Variants in IWS1 observed in about 807,000 individuals in gnomAD.
IWS1 encodes protein IWS1 homolog.
Under a neutral mutation model 86.7 loss-of-function variants are expected in IWS1, and 27 were observed. The ratio of observed to expected loss-of-function variants is 0.31; its 90% CI spans 0.23 to 0.43. The LOEUF is 0.43. Ranked by LOEUF, IWS1 falls within the 20% of genes least tolerant of loss-of-function variation. The pLI is 1.00. For synonymous variants in IWS1, 313 were observed against 335.1 expected (o/e 0.93, Z 0.72); for missense variants, 827 against 1,000.8 (o/e 0.83, Z 2.34).
In IWS1 at chr2:127,495,735, G is replaced by C. The variant is rs1016898655; in HGVS notation, c.1716+263C>G. Among the ~76,000 whole-genome samples, 36 of 152,180 alleles carry C rather than the reference G, an allele frequency of 2.4e-4. 1 individual carries two copies. The highest frequency in any genetic ancestry group is 2.4e-3 in the Admixed American group (36 of 15,284). ...ACTTTGTGGTGAACTAGCCAAATCTGAGAACAAAACCATTTCCCATGAAAC... is the reference window on the plus strand; with the variant it reads ...ACTTTGTGGTGAACTAGCCAAATCTCAGAACAAAACCATTTCCCATGAAAC... On this transcript the variant is annotated intron_variant, in intron 7 of 13. Coordinates refer to ENST00000295321, the MANE Select transcript of IWS1 (RefSeq NM_017969.3).
At chr2:127,493,513 G>A (rs1690343384) in intron 8 of IWS1, 103 bp from the exon 9 acceptor site, 2 of 1,019,776 alleles carry the variant, frequency 2.0e-6, no homozygotes, top group South Asian at 2.0e-5. Flanking sequence ...TGCTTTTAAA[G>A]CGTTACTCAT....
intron 13 of IWS1, among the ~76,000 whole-genome samples, chr2:127,485,311 GT>G (rs1203041146): frequency 1.2e-4 from 19 of 152,186 alleles, no homozygotes; most frequent in African/African-American, 4.3e-4. Flanking sequence ...CACACACACT[GT>G]GTGTGCTCCG....
intron 2 of IWS1, among the ~76,000 whole-genome samples, chr2:127,517,168 T>C (rs965390616): frequency 5.9e-5 from 9 of 152,158 alleles, no homozygotes; most frequent in African/African-American, 1.9e-4. Context: ...AAGATGGCAA[T>C]ATTCCCCAAA....
chr2:127,495,137 AC>A (rs1690448461), intron 7 of IWS1, among the ~76,000 whole-genome samples, 183 bp from the exon 8 acceptor site: 1 of 152,196 alleles, frequency 6.6e-6, no homozygotes, highest in Non-Finnish European at 1.5e-5. Flanking sequence ...TGTCAGTCAA[AC>A]CCAAAAAACT....
chr2:127,496,319 G>A (rs991773081), intron 6 of IWS1, among the ~76,000 whole-genome samples, 171 bp from the exon 7 acceptor site: 1 of 152,038 alleles, frequency 6.6e-6, no homozygotes, highest in African/African-American at 2.4e-5. Context: ...GGTCAATGAC[G>A]GACTGCAAAT....
At position 127,526,469 on chromosome 2, in the gene IWS1, G is replaced by C; in HGVS notation, c.-261C>G. 6.5e-7 allele frequency: 1 copy of C among 1,527,862 alleles called. No homozygotes were observed. Among genetic ancestry groups the C allele is most frequent in the Non-Finnish European group, 8.8e-7 (1 of 1,135,346 alleles). The allele number at this position is 1,527,862 out of a possible 1,614,324, so 94.6% of individuals were successfully genotyped here. On this transcript the variant is annotated 5_prime_UTR_variant, in exon 1 of 14. Coordinates refer to ENST00000295321, the MANE Select transcript of IWS1 (RefSeq NM_017969.3). Reference sequence around the variant, plus strand: ...CGGCGTTCTACTTCCTAGAAGCACCGCTGGGGCCAAAATGGCGTCTGCCCA... The same window carrying C: ...CGGCGTTCTACTTCCTAGAAGCACCCCTGGGGCCAAAATGGCGTCTGCCCA...
intron 2 of IWS1, among the ~76,000 whole-genome samples, chr2:127,516,115 A>C (rs932360630): frequency 1.3e-5 from 2 of 151,278 alleles, no homozygotes; most frequent in African/African-American, 2.4e-5. Context: ...ACTCATTCCC[A>C]CTCCTCCACT....
Position 127,526,381 on chromosome 2 carries a change from A to T in IWS1, c.-173T>A. On this transcript the variant is annotated 5_prime_UTR_variant, in exon 1 of 14. Coordinates refer to ENST00000295321, the MANE Select transcript of IWS1 (RefSeq NM_017969.3). ...GGTAGCGGCAAAGGCGAATTCTTTG[A>T]CCTGGAAGCCCCGGCGGAAAAGGCC... 6.5e-7 allele frequency: 1 copy of T among 1,536,210 alleles called. No homozygotes were observed.
At chr2:127,523,518 CTATT>C (rs969227068) in intron 2 of IWS1, among the ~76,000 whole-genome samples, 154 bp downstream of exon 2, 5 of 152,206 alleles carry the variant, frequency 3.3e-5, no homozygotes, top group African/African-American at 1.2e-4. Flanking sequence ...CAGACCATCC[CTATT>C]TATTTTTCAA....
At chr2:127,517,765 G>A (rs1424794534) in intron 2 of IWS1, among the ~76,000 whole-genome samples, 6 of 152,034 alleles carry the variant, frequency 3.9e-5, no homozygotes, top group Admixed American at 3.9e-4. Flanking sequence ...CAAAAAATTT[G>A]TACACAAATG....
intron 12 of IWS1, among the ~76,000 whole-genome samples, chr2:127,487,479 C>T (rs1689987426): frequency 6.6e-6 from 1 of 152,192 alleles, no homozygotes; most frequent in Non-Finnish European, 1.5e-5. Flanking sequence ...AAGAGTGGAT[C>T]TATGTGTGTC....
Position 127,489,787 on chromosome 2 carries a change from C to T in IWS1, c.2159+45G>A, listed in dbSNP as rs1359492628. 1.9e-6 allele frequency: 2 copies of T among 1,062,260 alleles called. No homozygotes were observed. Among genetic ancestry groups the T allele is most frequent in the Non-Finnish European group, 2.9e-6 (2 of 680,980 alleles). The allele number at this position is 1,062,260 out of a possible 1,614,324, so 65.8% of individuals were successfully genotyped here. A position where few individuals can be genotyped will look rare whatever the true frequency, so the allele number is the denominator to read the frequency against. On this transcript the variant is annotated intron_variant, in intron 11 of 13. Transcript: ENST00000295321. The surrounding 1 kb of genome is among the most constrained non-coding windows in gnomAD (Gnocchi z 4.8). The stretch of plus-strand genomic sequence containing the variant: ...GATCTTACTTAAAACTGAGTTACTG[C>T]AACAATAACGTGTATTCCACTTACT...
intron 1 of IWS1, among the ~76,000 whole-genome samples, chr2:127,524,874 TTTTTG>T (rs1228362195): frequency 2.0e-4 from 1 of 4,946 alleles, no homozygotes; most frequent in East Asian, 7.9e-3. Flanking sequence ...GGAAAGTGTT[TTTTTG>T]TTTTTGTTTT....
chr2:127,495,643 G>A (rs545490749), intron 7 of IWS1, among the ~76,000 whole-genome samples: 18 of 152,288 alleles, frequency 1.2e-4, no homozygotes, highest in Admixed American at 5.9e-4. Context: ...GAAAGAAGCC[G>A]TGTCTTGATC....
Position 127,480,831 on chromosome 2 carries a change from T to G in IWS1, c.*213A>C, listed in dbSNP as rs1689587917. On this transcript the variant is annotated 3_prime_UTR_variant, in exon 14 of 14. Transcript: ENST00000295321. ...CCCAAAAACCAGAATGAAATTTTAT[T>G]GTGTAAAGTTTATAGAAGTATGACT... 2.4e-6 allele frequency: 1 copy of G among 422,184 alleles called. No homozygotes were observed. Among genetic ancestry groups the G allele is most frequent in the Non-Finnish European group, 4.1e-6 (1 of 245,728 alleles). The allele number at this position is 422,184 out of a possible 1,614,324, so 26.2% of individuals were successfully genotyped here. A position where few individuals can be genotyped will look rare whatever the true frequency, so the allele number is the denominator to read the frequency against.
chr2:127,524,622 T>C (rs1303262325), intron 1 of IWS1, among the ~76,000 whole-genome samples: 1 of 151,562 alleles, frequency 6.6e-6, no homozygotes, highest in East Asian at 1.9e-4. Context: ...CACTGCAACC[T>C]CCACCCCCCC....
intron 9 of IWS1, among the ~76,000 whole-genome samples, 171 bp from the exon 10 acceptor site, chr2:127,492,259 T>C (rs1690266885): frequency 1.3e-5 from 2 of 151,968 alleles, no homozygotes; most frequent in African/African-American, 2.4e-5. Flanking sequence ...AAGTTCAGAG[T>C]TCAGGCCAGG....
intron 2 of IWS1, among the ~76,000 whole-genome samples, chr2:127,506,380 A>G (rs1466907189): frequency 6.6e-6 from 1 of 152,178 alleles, no homozygotes; most frequent in Non-Finnish European, 1.5e-5. Context: ...AAAAATAAAT[A>G]AATAAAAATA....
chr2:127,505,902 C>T lies in IWS1; in HGVS notation c.151-150G>A, dbSNP rs903633204. The T allele has an allele frequency of 1.2e-4, 62 of 499,974 alleles. No individual in the cohort carries two copies. The highest frequency in any genetic ancestry group is 5.3e-4 in the Admixed American group (14 of 26,644). 31.0% of individuals were successfully genotyped at this position (499,974 alleles called of 1,614,324 possible). ...CTTGTCCTATACCCATATAGAAACA[C>T]CCCCACAGAAAGCCAATCAGTGAAA... is the stretch of plus-strand genomic sequence containing the variant. On this transcript the variant is annotated intron_variant, in intron 2 of 13. Coordinates refer to ENST00000295321, the MANE Select transcript of IWS1 (RefSeq NM_017969.3). The surrounding 1 kb of genome is among the most constrained non-coding windows in gnomAD (Gnocchi z 5.0).
Sources: allele counts gnomAD v4.1 joint callset (sites outside exome capture counted in the v4.1 genomes callset), GRCh38; gene constraint gnomAD v4.1.1; non-coding constraint Gnocchi (gnomAD v3.1); transcripts MANE v1.5; gene names NCBI Gene and HGNC (gene_info 2026-07-23, HGNC 2026-07-21).